The following PROSER3 variants were observed in gnomAD, a reference collection of about 807,000 sequenced individuals.
PROSER3 encodes proline and serine-rich protein 3.
Under a neutral mutation model 50.2 loss-of-function variants are expected in PROSER3, and 33 were observed. That is an observed-to-expected ratio of 0.66 (90% CI 0.50 to 0.88). The LOEUF is 0.88. Ranked by LOEUF, PROSER3 falls within the 40% of genes least tolerant of loss-of-function variation. The probability of loss-of-function intolerance (pLI) is 0.00; values close to 1 mark genes in which losing one functional copy is unlikely to be tolerated. For synonymous variants in PROSER3, 266 were observed against 259.3 expected (o/e 1.03, Z -0.25); for missense variants, 623 against 612.7 (o/e 1.02, Z -0.18).
chr19:35,768,671 C>G, exon 11 of PROSER3: 1 of 1,221,306 alleles, frequency 8.2e-7, no homozygotes, highest in South Asian at 1.6e-5. Context: ...AAATGCCCCC[C>G]ATCCTCCGCT....
At chr19:35,763,556 T>A (rs909616845) in intron 5 of PROSER3, among the ~76,000 whole-genome samples, 1 of 136,138 alleles carries the variant, frequency 7.3e-6, no homozygotes, top group Non-Finnish European at 1.5e-5. Context: ...CAGGCTGGAG[T>A]GCAGTGGCGC....
intron 1 of PROSER3, chr19:35,759,167 C>T: frequency 1.9e-6 from 1 of 539,902 alleles, no homozygotes; most frequent in Non-Finnish European, 3.3e-6. Context: ...CTGAGTTGCT[C>T]CCTGTTAAGA....
intron 5 of PROSER3, 122 bp downstream of exon 5, chr19:35,762,478 G>T: frequency 2.2e-6 from 2 of 891,566 alleles, no homozygotes; most frequent in Non-Finnish European, 3.4e-6. Context: ...GGAGGCCAAG[G>T]TGAGAGGACT....
At chr19:35,767,148 C>A in intron 8 of PROSER3, 1 of 676,812 alleles carries the variant, frequency 1.5e-6, no homozygotes, top group Non-Finnish European at 2.3e-6. Flanking sequence ...AGCAGTGTGG[C>A]CCAGCCTGGT....
chr19:35,765,160 T>C (rs1971101557), exon 7 of PROSER3: 1 of 1,613,618 alleles, frequency 6.2e-7, no homozygotes, highest in African/African-American at 1.3e-5. Flanking sequence ...GCAAGGGCCT[T>C]GGCCCCAGGG....
At chr19:35,767,889 G>T in exon 9 of PROSER3, 1 of 1,613,100 alleles carries the variant, frequency 6.2e-7, no homozygotes, top group Non-Finnish European at 8.5e-7. Flanking sequence ...CCTGGAGCCT[G>T]CCTGCAGCCC....
downstream of PROSER3, among the ~76,000 whole-genome samples, chr19:35,770,308 G>C (rs1971295520): frequency 6.6e-6 from 1 of 151,928 alleles, no homozygotes. Context: ...AAAGTGCTAG[G>C]ATTACAGATG....
rs544065892 is a variant in PROSER3, at chr19:35,762,316, G to C, written c.503G>C (p.Ser168Thr). ...GTCCCTACTGCGGTCAACGTGACCA[G>C]TGCATCCCATGCTGTGGCTCCCCTT... The change falls in exon 5 of 11, where the codon AGT (serine) becomes ACT (threonine). Residue 168 changes from serine to threonine, a missense_variant. By Grantham distance (58) the Ser-to-Thr change is moderately conservative. Coordinates refer to ENST00000396908, the Ensembl canonical transcript of PROSER3. 22 of 1,610,674 alleles carry C rather than the reference G, an allele frequency of 1.4e-5. No individual in the cohort carries two copies. In the African/African-American group the frequency reaches 1.7e-4, roughly 13 times the overall value.
chr19:35,770,124 C>T (rs761572818), downstream of PROSER3, among the ~76,000 whole-genome samples: 9 of 151,858 alleles, frequency 5.9e-5, no homozygotes, highest in Non-Finnish European at 1.3e-4. Flanking sequence ...AGGCTGGTCT[C>T]AAACTCATGA....
intron 7 of PROSER3, among the ~76,000 whole-genome samples, chr19:35,765,781 C>A (rs1971121638): frequency 1.3e-5 from 2 of 152,118 alleles, no homozygotes; most frequent in Admixed American, 1.3e-4. Context: ...GCGATCCCCC[C>A]ACCGCCTTCG....
intron 7 of PROSER3, 117 bp downstream of exon 7, chr19:35,765,293 G>A (rs1971107755): frequency 1.6e-6 from 2 of 1,282,954 alleles, no homozygotes; most frequent in East Asian, 2.5e-5. Context: ...GTAAAACAGG[G>A]ATAAGGCCAG....
At chr19:35,768,409 C>A in exon 11 of PROSER3, 1 of 1,595,732 alleles carries the variant, frequency 6.3e-7, no homozygotes, top group Non-Finnish European at 8.5e-7. Flanking sequence ...TCCAGGGAAG[C>A]GGATGCCCGA....
Position 35,762,370 on chromosome 19 carries a change from T to A in PROSER3, c.543+14T>A. ...GAAATAAAGCAGGTGACATCCCCAT[T>A]CACTCCCTCCCTTGGGTGCCTGAAC... On this transcript the variant is annotated intron_variant, in intron 5 of 10. Coordinates refer to ENST00000396908, the Ensembl canonical transcript of PROSER3. The A allele has an allele frequency of 6.3e-7, 1 of 1,579,248 alleles. No homozygotes were observed. Among genetic ancestry groups the A allele is most frequent in the Non-Finnish European group, 8.6e-7 (1 of 1,160,054 alleles).
In PROSER3 at chr19:35,768,454, G is replaced by A. The variant is rs908299546; in HGVS notation, c.1352G>A (p.Gly451Glu). The A allele has an allele frequency of 1.9e-6, 3 of 1,598,074 alleles. No homozygotes were observed. In the African/African-American group the frequency reaches 4.0e-5, roughly 21 times the overall value. ...CTGTTGGACCAGGCTGAAGACCTGG[G>A]ATCTTGGTCCCCTCCAGCCGGGTCG... Residue 451 changes from glycine (G) to glutamate (E), a missense_variant, in exon 11 of 11, where the codon GGA becomes GAA. By Grantham distance (98) the Gly-to-Glu change is moderately conservative. Transcript: ENST00000396908.
intron 3 of PROSER3, 47 bp from the exon 4 acceptor site, chr19:35,761,972 T>C (rs1254463411): frequency 6.6e-7 from 1 of 1,525,306 alleles, no homozygotes; most frequent in East Asian, 2.3e-5. Context: ...CTTATTATTA[T>C]TTGGCTCTCC....
At chr19:35,767,532 C>CT (rs1971195295) in intron 8 of PROSER3, 1 of 514,808 alleles carries the variant, frequency 1.9e-6, no homozygotes, top group Non-Finnish European at 3.5e-6. Context: ...TGTGCCCAGC[C>CT]TAAGAGCCTG....
intron 6 of PROSER3, 21 bp downstream of exon 6, chr19:35,764,957 A>G (rs763170683): frequency 6.2e-7 from 1 of 1,612,958 alleles, no homozygotes; most frequent in Non-Finnish European, 8.5e-7. Context: ...CCCTGCCCCC[A>G]TCACCCTTCC....
At position 35,768,622 on chromosome 19, in the gene PROSER3, G is replaced by A; in HGVS notation, c.*77G>A. ...AGTTACTGGTTATCTGTGAGAAAGG[G>A]GTTGTTTGGAAAGGCCAAGGGGTCA... is the stretch of plus-strand genomic sequence containing the variant. On this transcript the variant is annotated 3_prime_UTR_variant, in exon 11 of 11. Coordinates refer to ENST00000396908, the Ensembl canonical transcript of PROSER3. The A allele has an allele frequency of 8.7e-6, 13 of 1,491,620 alleles. No homozygotes were observed. The South Asian group carries it at 1.5e-4, about 17-fold the overall frequency. The allele number at this position is 1,491,620 out of a possible 1,614,324, so 92.4% of individuals were successfully genotyped here.
exon 10 of PROSER3, chr19:35,768,165 C>T (rs1971234296): frequency 1.9e-6 from 3 of 1,613,376 alleles, no homozygotes; most frequent in Middle Eastern, 1.7e-4. Context: ...ACTCCGACGG[C>T]AGCGAGTTCC....
Sources: allele counts gnomAD v4.1 joint callset (sites outside exome capture counted in the v4.1 genomes callset), GRCh38; gene constraint gnomAD v4.1.1; transcripts MANE v1.5; gene names NCBI Gene and HGNC (gene_info 2026-07-23, HGNC 2026-07-21).